The following N4BP2 variants were observed in gnomAD, a reference collection of about 807,000 sequenced individuals.
N4BP2 encodes the protein NEDD4-binding protein 2.
N4BP2 carries 91 observed loss-of-function variants against 152.8 expected under a neutral mutation model. The ratio of observed to expected loss-of-function variants is 0.60; its 90% confidence interval spans 0.50 to 0.71. The LOEUF (loss-of-function observed/expected upper bound fraction) is 0.71, where lower values mean the gene tolerates loss of function less well. Among genes scored for constraint, N4BP2 ranks in the 30% least tolerant of loss-of-function variants. The probability of loss-of-function intolerance (pLI) is 0.00; values close to 1 mark genes in which losing one functional copy is unlikely to be tolerated. For synonymous variants in N4BP2, 646 were observed against 705.3 expected (o/e 0.92, Z 1.33); for missense variants, 1,923 against 2,059.1 (o/e 0.93, Z 1.28).
At chr4:40,180,053 C>T in the N4BP2 span, among the ~76,000 whole-genome samples, 1 of 152,002 alleles carries the variant, frequency 6.6e-6, no homozygotes, top group Non-Finnish European at 1.5e-5. Flanking sequence ...CATGAGCCAC[C>T]GCGCCTGGCC....
chr4:40,171,567 G>T, the N4BP2 span, among the ~76,000 whole-genome samples: 1 of 151,940 alleles, frequency 6.6e-6, no homozygotes, highest in Non-Finnish European at 1.5e-5. Flanking sequence ...TCCTGAATGT[G>T]ATCTTAATTG....
At chr4:40,092,008 TTATATATATATATATATA>T (rs1221314746) in intron 2 of N4BP2, among the ~76,000 whole-genome samples, 14 of 27,208 alleles carry the variant, frequency 5.1e-4, no homozygotes, top group African/African-American at 7.7e-4. Context: ...AAAAAAAAAA[TTATATATATATATATATA>T]TATATATATA....
chr4:40,057,518 C>T (rs1163406051), intron 1 of N4BP2, among the ~76,000 whole-genome samples: 1 of 152,306 alleles, frequency 6.6e-6, no homozygotes, highest in East Asian at 1.9e-4. Flanking sequence ...AGTTCAAGTC[C>T]AGACACACAG....
intron 2 of N4BP2, among the ~76,000 whole-genome samples, chr4:40,078,415 A>C (rs1713000253): frequency 6.6e-6 from 1 of 150,540 alleles, no homozygotes. Flanking sequence ...GGGATTACAG[A>C]TGTGAGCCAC....
intron 1 of N4BP2, among the ~76,000 whole-genome samples, chr4:40,062,074 G>T (rs1578928416): frequency 8.7e-6 from 1 of 114,860 alleles, no homozygotes; most frequent in African/African-American, 3.2e-5. Context: ...TTATTTTTTG[G>T]TTACTTTTTT....
At chr4:40,085,327 C>T (rs751077190) in intron 2 of N4BP2, among the ~76,000 whole-genome samples, 5 of 152,202 alleles carry the variant, frequency 3.3e-5, no homozygotes, top group African/African-American at 4.8e-5. Context: ...TGAGTCACTG[C>T]GCCCAGCCTG....
chr4:40,119,491 C>T lies in N4BP2; in HGVS notation c.1821-441C>T, dbSNP rs16995563. Among the ~76,000 whole-genome samples, 653 of 152,148 alleles carry T rather than the reference C, an allele frequency of 4.3e-3. 8 individuals are homozygous for T. The highest frequency in any genetic ancestry group is 0.015 in the African/African-American group (624 of 41,504). On this transcript the variant is annotated intron_variant, in intron 8 of 17. Coordinates refer to ENST00000261435, the MANE Select transcript of N4BP2 (RefSeq NM_018177.6). Reference sequence around the variant, plus strand: ...TAATTTCTCTTAATCGGGCAAATAGCGTTGGTTGGCCCTTTGTGACTTTGT... The same window carrying T: ...TAATTTCTCTTAATCGGGCAAATAGTGTTGGTTGGCCCTTTGTGACTTTGT...
chr4:40,124,711 G>A (rs1327431470), intron 11 of N4BP2, among the ~76,000 whole-genome samples: 1 of 152,038 alleles, frequency 6.6e-6, no homozygotes, highest in African/African-American at 2.4e-5. Flanking sequence ...GGGGGAAAAA[G>A]CCCCTATAAT....
chr4:40,172,165 C>T, the N4BP2 span, among the ~76,000 whole-genome samples: 3 of 152,160 alleles, frequency 2.0e-5, no homozygotes, highest in African/African-American at 4.8e-5. Context: ...CTGCCCACCT[C>T]GGCCTCCCAA....
rs770077114 is a variant in N4BP2 at position 40,120,016 on chromosome 4, G to A, written c.1905G>A (p.Glu635=). ...TGAAGCATCTAGAGTTCACTGAAGAGAAGAATCTTGATGTAACCAAAGAAA... is the reference window on the plus strand; with the variant it reads ...TGAAGCATCTAGAGTTCACTGAAGAAAAGAATCTTGATGTAACCAAAGAAA... ...LSLKHLEFTE[E]KNLDVTKETM... Residue 635 remains glutamate, a synonymous_variant, in exon 9 of 18, where the codon GAG becomes GAA. Transcript: ENST00000261435. The A allele has an allele frequency of 2.5e-6, 4 of 1,591,858 alleles. 1 individual carries two copies. Among genetic ancestry groups the A allele is most frequent in the East Asian group, 4.5e-5 (2 of 44,666 alleles).
At chr4:40,096,313 T>C (rs1302843294) in intron 2 of N4BP2, among the ~76,000 whole-genome samples, 1 of 152,086 alleles carries the variant, frequency 6.6e-6, no homozygotes, top group Admixed American at 6.6e-5. Flanking sequence ...GAAGGTAACA[T>C]TTGAATAATG....
In N4BP2 at chr4:40,121,643, G is replaced by C; in HGVS notation, c.3532G>C (p.Glu1178Gln). 6.2e-7 allele frequency: 1 copy of C among 1,614,158 alleles called. No homozygotes were observed. The highest frequency in any genetic ancestry group is 1.1e-5 in the South Asian group (1 of 91,084). ...AGAGAATTCTAATTCTCCTGTGCCA[G>C]AGTTTAGCCATGGGATTGGTATTAG... ...TLENSNSPVP[E>Q]FSHGIGISNA... The change falls in exon 9 of 18, where the codon GAG becomes CAG. Residue 1178 changes from glutamate (E) to glutamine (Q), a missense_variant. Transcript: ENST00000261435.
chr4:40,063,985 G>T (rs540001151), intron 1 of N4BP2, among the ~76,000 whole-genome samples: 1 of 151,514 alleles, frequency 6.6e-6, no homozygotes, highest in South Asian at 2.1e-4. Flanking sequence ...GGGCGGCAGG[G>T]GGGGGTCTCA....
intron 3 of N4BP2, 49 bp downstream of exon 3, chr4:40,097,618 G>A: frequency 9.3e-7 from 1 of 1,073,316 alleles, no homozygotes; most frequent in Non-Finnish European, 1.4e-6. Flanking sequence ...AGAAGACTTT[G>A]TGTACTATGC....
downstream of N4BP2, among the ~76,000 whole-genome samples, chr4:40,163,138 A>G (rs1302385382): frequency 6.6e-6 from 1 of 152,262 alleles, no homozygotes; most frequent in Non-Finnish European, 1.5e-5. Context: ...TTTGAAGCAC[A>G]GGAGAATTAG....
intron 5 of N4BP2, among the ~76,000 whole-genome samples, chr4:40,110,442 A>T (rs1716760344): frequency 6.6e-6 from 1 of 152,164 alleles, no homozygotes; most frequent in African/African-American, 2.4e-5. Context: ...CTATTCTGGT[A>T]GGTGTGAAGT....
Position 40,152,872 on chromosome 4 carries a change from G to A in N4BP2, c.5236G>A (p.Val1746Ile). Reference sequence around the variant, plus strand: ...AGGAGTTGCTCGCATCAAACCAGCTGTCATTAAGTACCTCATAAGCCATAG... The same window carrying A: ...AGGAGTTGCTCGCATCAAACCAGCTATCATTAAGTACCTCATAAGCCATAG... ...QGGVARIKPA[V>I]IKYLISHSFR... Residue 1746 changes from valine (V) to isoleucine (I), a missense_variant, in exon 17 of 18, where the codon GTC becomes ATC. Transcript: ENST00000261435. 6.2e-7 allele frequency: 1 copy of A among 1,614,030 alleles called. No individual in the cohort carries two copies. The highest frequency in any genetic ancestry group is 2.2e-5 in the East Asian group (1 of 44,872).
intron 16 of N4BP2, among the ~76,000 whole-genome samples, chr4:40,152,355 A>C (rs759018447): frequency 1.3e-5 from 2 of 152,222 alleles, no homozygotes; most frequent in African/African-American, 2.4e-5. Flanking sequence ...TGGCTTTAGA[A>C]TATTTAATTA....
At chr4:40,093,236 G>A (rs1714791618) in intron 2 of N4BP2, among the ~76,000 whole-genome samples, 1 of 152,100 alleles carries the variant, frequency 6.6e-6, no homozygotes. Context: ...GAGCCACCAT[G>A]CCTGGCCCCG....
Sources: allele counts gnomAD v4.1 joint callset (sites outside exome capture counted in the v4.1 genomes callset), GRCh38; gene constraint gnomAD v4.1.1; transcripts MANE v1.5; gene names NCBI Gene and HGNC (gene_info 2026-07-23, HGNC 2026-07-21).